The following JAK2 variants were observed in gnomAD, a reference collection of about 807,000 sequenced individuals.
JAK2 encodes tyrosine-protein kinase JAK2.
JAK2 carries 86 observed loss-of-function variants against 139.3 expected under a neutral mutation model. The ratio of observed to expected loss-of-function variants is 0.62; its 90% CI spans 0.52 to 0.74. The LOEUF (loss-of-function observed/expected upper bound fraction) is 0.74. Ranked by LOEUF, JAK2 falls within the 30% of genes least tolerant of loss-of-function variation. The pLI, the probability that JAK2 is intolerant of heterozygous loss-of-function variation, is 0.00. For missense variants in JAK2, 1,421 were observed against 1,360.3 expected, an observed-to-expected ratio of 1.04 and a Z score of -0.70; for synonymous variants, 490 against 437.7, an observed-to-expected ratio of 1.12 and a Z score of -1.49.
At chr9:5,041,635 A>G in intron 4 of JAK2, 1 of 502,024 alleles carries the variant, frequency 2.0e-6, no homozygotes. Context: ...CTGGACTTTG[A>G]GAAGCTCGAC....
chr9:5,080,298 C>A lies in JAK2; in HGVS notation c.2201C>A (p.Thr734Lys). ...AATCCTAAAAATTTAAATTTGGCAACAGACAAATGGAGTTTTGGTACCACT... is the reference window on the plus strand; with the variant it reads ...AATCCTAAAAATTTAAATTTGGCAAAAGACAAATGGAGTTTTGGTACCACT... ...IENPKNLNLATDKWSFGTTLW... is the reference protein window; with the variant it reads ...IENPKNLNLAKDKWSFGTTLW... Residue 734 changes from threonine to lysine, a missense_variant, in exon 17 of 25, where the codon ACA becomes AAA. By Grantham distance (78) the Thr-to-Lys change is moderately conservative. Transcript: ENST00000381652. 6.2e-7 allele frequency: 1 copy of A among 1,613,140 alleles called. No individual in the cohort carries two copies. The highest frequency in any genetic ancestry group is 8.5e-7 in the Non-Finnish European group (1 of 1,179,198).
rs569771361 is a variant in JAK2 at position 5,002,237 on chromosome 9, A to C, written c.-26+16215A>C. ...TTCTAGCTACCTAGGAAGCTTACAT[A>C]ATTAATTTCATATCTTTCTTCTTTT... On this transcript the variant is annotated intron_variant, in intron 2 of 24. Transcript: ENST00000381652. Among the ~76,000 whole-genome samples the C allele has an allele frequency of 2.6e-5, 4 of 152,020 alleles. No homozygotes were observed. The South Asian group carries it at 8.3e-4, about 31-fold the overall frequency.
chr9:5,047,337 T>C (rs1474257377), intron 5 of JAK2, among the ~76,000 whole-genome samples: 8 of 152,224 alleles, frequency 5.3e-5, no homozygotes, highest in East Asian at 1.9e-4. Flanking sequence ...AGACAGTACC[T>C]GTAGGAAGAC....
At position 5,021,964 on chromosome 9, in the gene JAK2, C is replaced by G. The variant is rs1331840122; in HGVS notation, c.-24C>G. ...TAACTTTATTGTTTTCTCTTACAGGCAAATGTTCTGAAAAAGACTCTGCAT... is the reference window on the plus strand; with the variant it reads ...TAACTTTATTGTTTTCTCTTACAGGGAAATGTTCTGAAAAAGACTCTGCAT... On this transcript the variant is annotated splice_region_variant and 5_prime_UTR_variant, in exon 3 of 25. Transcript: ENST00000381652. 2 of 1,552,694 alleles carry G rather than the reference C, an allele frequency of 1.3e-6. No individual in the cohort carries two copies. The highest frequency in any genetic ancestry group is 8.9e-7 in the Non-Finnish European group (1 of 1,125,196).
At chr9:5,029,641 G>T (rs377325036) in intron 3 of JAK2, 142 bp from the exon 4 acceptor site, 2 of 621,362 alleles carry the variant, frequency 3.2e-6, no homozygotes, top group African/African-American at 1.9e-5. Context: ...GTAGGGGTTG[G>T]TATATCAAAA....
chr9:4,997,129 A>G (rs1373812075), intron 2 of JAK2, among the ~76,000 whole-genome samples: 1 of 151,330 alleles, frequency 6.6e-6, no homozygotes, highest in East Asian at 1.9e-4. Context: ...ATGGGGTTTC[A>G]CCGTGTCACT....
intron 2 of JAK2, among the ~76,000 whole-genome samples, chr9:5,003,310 C>T (rs372135809): frequency 8.9e-4 from 135 of 151,956 alleles, no homozygotes; most frequent in African/African-American, 3.1e-3. Context: ...GGAAAAGAAC[C>T]GACATCTGAA....
chr9:5,013,800 A>C (rs1381083757), intron 2 of JAK2, among the ~76,000 whole-genome samples: 1 of 152,146 alleles, frequency 6.6e-6, no homozygotes, highest in Non-Finnish European at 1.5e-5. Context: ...TTGTACTTAG[A>C]TGATGTGTAA....
chr9:5,081,724 G>A lies in JAK2; in HGVS notation c.2435-1G>A. On this transcript the variant is annotated splice_acceptor_variant, in intron 18 of 24. Coordinates refer to ENST00000381652, the MANE Select transcript of JAK2 (RefSeq NM_004972.4). LOFTEE classifies it high-confidence loss of function. ...GGTGATAATATTCTTTATTTCTCCA[G>A]ATTATGAACTATTAACAGAAAATGA... 6.3e-7 allele frequency: 1 copy of A among 1,586,394 alleles called. No homozygotes were observed. Among genetic ancestry groups the A allele is most frequent in the Non-Finnish European group, 8.7e-7 (1 of 1,155,600 alleles).
chr9:5,029,966 A>C, intron 4 of JAK2, 60 bp downstream of exon 4: 2 of 1,473,020 alleles, frequency 1.4e-6, no homozygotes, highest in Non-Finnish European at 1.8e-6. Flanking sequence ...AGAAATTATC[A>C]AATATTTTTT....
chr9:4,993,530 G>A (rs943042208), intron 2 of JAK2, among the ~76,000 whole-genome samples: 1 of 152,218 alleles, frequency 6.6e-6, no homozygotes, highest in Non-Finnish European at 1.5e-5. Flanking sequence ...GGTCAGGTAT[G>A]TATTTTATTT....
At chr9:5,055,646 A>T (rs765368719) in intron 7 of JAK2, 23 bp from the exon 8 acceptor site, 1 of 1,515,212 alleles carries the variant, frequency 6.6e-7, no homozygotes, top group South Asian at 1.2e-5. Flanking sequence ...CCCGTTTTTA[A>T]TTTTACATGC....
At chr9:5,016,206 T>C (rs148535106) in intron 2 of JAK2, among the ~76,000 whole-genome samples, 1 of 152,332 alleles carries the variant, frequency 6.6e-6, no homozygotes, top group African/African-American at 2.4e-5. Context: ...TGACATGATT[T>C]AGGAACTTCA....
At chr9:5,107,047 C>A (rs962767623) in intron 22 of JAK2, among the ~76,000 whole-genome samples, 2 of 152,088 alleles carry the variant, frequency 1.3e-5, no homozygotes, top group Non-Finnish European at 2.9e-5. Flanking sequence ...ATATATACAT[C>A]ACTTTACATC....
chr9:5,029,699 T>G, intron 3 of JAK2, 84 bp from the exon 4 acceptor site: 2 of 1,269,108 alleles, frequency 1.6e-6, no homozygotes, highest in South Asian at 3.2e-5. Context: ...AGTTGTTACT[T>G]TAGCTTCATT....
chr9:5,108,573 A>G (rs958416704), intron 22 of JAK2: 6 of 152,076 alleles, frequency 3.9e-5, no homozygotes, highest in African/African-American at 1.5e-4. Context: ...GTGACTCCCA[A>G]AAGCCCATGT....
intron 4 of JAK2, among the ~76,000 whole-genome samples, chr9:5,039,451 A>G (rs766455369): frequency 1.3e-5 from 2 of 152,144 alleles, no homozygotes; most frequent in African/African-American, 2.4e-5. Flanking sequence ...GTTATATGCA[A>G]ATACTATGCC....
chr9:5,044,750 T>A (rs908312275), intron 5 of JAK2, among the ~76,000 whole-genome samples: 1 of 152,236 alleles, frequency 6.6e-6, no homozygotes, highest in Non-Finnish European at 1.5e-5. Context: ...CCTTTTGAAT[T>A]TCTTTCTTTT....
chr9:5,020,350 C>G (rs1822335498), intron 2 of JAK2, among the ~76,000 whole-genome samples: 1 of 152,106 alleles, frequency 6.6e-6, no homozygotes, highest in African/African-American at 2.4e-5. Flanking sequence ...AGATAACATG[C>G]TTGGATACGT....
Sources: gnomAD v4.1 joint callset for allele counts (sites outside exome capture counted in the v4.1 genomes callset) on GRCh38, gnomAD v4.1.1 for gene constraint, MANE v1.5 for transcripts, NCBI Gene and HGNC (gene_info 2026-07-23, HGNC 2026-07-21) for gene names.